Variants in JPH3 observed in about 807,000 individuals in gnomAD.
JPH3 encodes the protein junctophilin-3.
Under a neutral mutation model 59.6 loss-of-function variants are expected in JPH3, and 11 were observed. The ratio of observed to expected loss-of-function variants is 0.18; its 90% CI spans 0.12 to 0.31. The LOEUF is 0.31. JPH3 is among the 10% of genes least tolerant of loss of function. JPH3 has a pLI of 1.00. For missense variants in JPH3, 1,202 were observed against 1,105.7 expected (o/e 1.09, Z -1.24); for synonymous variants, 673 against 483.6 (o/e 1.39, Z -5.14).
intron 4 of JPH3, 74 bp downstream of exon 4, chr16:87,690,600 G>A: frequency 7.2e-7 from 1 of 1,380,612 alleles, no homozygotes; most frequent in Non-Finnish European, 9.4e-7. Flanking sequence ...GTTTCCTGAG[G>A]GTTTCCAGCA....
At chr16:87,605,853 C>T (rs189190909) in intron 1 of JPH3, among the ~76,000 whole-genome samples, 47 of 152,246 alleles carry the variant, frequency 3.1e-4, no homozygotes, top group Non-Finnish European at 2.8e-4. Flanking sequence ...AACATCCTCT[C>T]AAGGGGTATG....
At chr16:87,683,987 G>T in intron 2 of JPH3, 155 bp from the exon 3 acceptor site, 1 of 617,404 alleles carries the variant, frequency 1.6e-6, no homozygotes. Context: ...ATGAATGAAT[G>T]AACGAACAAG....
intron 1 of JPH3, among the ~76,000 whole-genome samples, chr16:87,639,360 C>G (rs1172418523): frequency 1.3e-5 from 2 of 152,162 alleles, no homozygotes; most frequent in Non-Finnish European, 2.9e-5. Context: ...CCTTCCGCAC[C>G]TCATGGCTCC....
Position 87,644,620 on chromosome 16 carries a change from G to A in JPH3, c.745G>A (p.Gly249Ser), listed in dbSNP as rs763168979. 3.1e-6 allele frequency: 5 copies of A among 1,612,548 alleles called. No individual in the cohort carries two copies. The highest frequency in any genetic ancestry group is 3.4e-6 in the Non-Finnish European group (4 of 1,179,900). ...SKQSSFRSEA[G>S]MSTVSSTASD... is the part of the protein sequence containing the mutation. ...GCAGAGCTCCTTTCGCAGCGAGGCG[G>A]GCATGAGCACCGTCAGCTCCACGGC... The change falls in exon 2 of 5, where the codon GGC becomes AGC. Residue 249 changes from glycine (G) to serine (S), a missense_variant. Coordinates refer to ENST00000284262, the MANE Select transcript of JPH3 (RefSeq NM_020655.4).
chr16:87,608,666 C>G (rs1463323695), intron 1 of JPH3, among the ~76,000 whole-genome samples: 11 of 152,216 alleles, frequency 7.2e-5, no homozygotes, highest in Non-Finnish European at 5.9e-5. Flanking sequence ...TCTAGGCATC[C>G]TCTTCAAGCC....
chr16:87,604,693 C>G, intron 1 of JPH3: 1 of 1,137,720 alleles, frequency 8.8e-7, no homozygotes, highest in Non-Finnish European at 1.1e-6. Flanking sequence ...CTCGGAACAC[C>G]TGCTCCACGG....
At chr16:87,676,688 C>T (rs1407491515) in intron 2 of JPH3, among the ~76,000 whole-genome samples, 1 of 151,704 alleles carries the variant, frequency 6.6e-6, no homozygotes, top group Non-Finnish European at 1.5e-5. Flanking sequence ...GAGCTGAGAT[C>T]ACACCACTGT....
At chr16:87,647,203 A>G (rs2032181265) in intron 2 of JPH3, among the ~76,000 whole-genome samples, 1 of 151,986 alleles carries the variant, frequency 6.6e-6, no homozygotes, top group Non-Finnish European at 1.5e-5. Flanking sequence ...TGCTGGGGTG[A>G]AAGCCCAGGG....
chr16:87,628,932 C>A (rs1277000403), intron 1 of JPH3, among the ~76,000 whole-genome samples: 1 of 152,304 alleles, frequency 6.6e-6, no homozygotes, highest in East Asian at 1.9e-4. Context: ...AGCCCCACTT[C>A]TTAGCCTTGC....
chr16:87,616,550 A>G (rs2030978620), intron 1 of JPH3, among the ~76,000 whole-genome samples: 1 of 151,480 alleles, frequency 6.6e-6, no homozygotes, highest in African/African-American at 2.4e-5. Flanking sequence ...GTGCCCAGCC[A>G]GGTTTTGTAT....
intron 1 of JPH3, among the ~76,000 whole-genome samples, chr16:87,615,550 AT>A (rs2150825401): frequency 6.6e-6 from 1 of 152,104 alleles, no homozygotes; most frequent in Admixed American, 6.5e-5. Context: ...TGGCTCCCCC[AT>A]TTTCCAGATG....
At chr16:87,645,359 G>A (rs537967050) in intron 2 of JPH3, among the ~76,000 whole-genome samples, 9 of 152,350 alleles carry the variant, frequency 5.9e-5, no homozygotes, top group East Asian at 1.9e-4. Context: ...GGTCTGTTCC[G>A]TTAGTACAAT....
chr16:87,620,159 A>G (rs2031119127), intron 1 of JPH3, among the ~76,000 whole-genome samples: 1 of 152,086 alleles, frequency 6.6e-6, no homozygotes, highest in Non-Finnish European at 1.5e-5. Context: ...GGGGTCCCTC[A>G]GGCCAGCAAT....
Position 87,611,001 on chromosome 16 carries a change from A to G in JPH3, c.382+7473A>G, listed in dbSNP as rs1701399568. Among the ~76,000 whole-genome samples, 1 of 152,262 alleles carries G rather than the reference A, an allele frequency of 6.6e-6. No individual in the cohort carries two copies. The highest frequency in any genetic ancestry group is 1.5e-5 in the Non-Finnish European group (1 of 68,050). ...ATTTGCCAAGTTCAGACCGTGTTCA[A>G]GGCACAAAGACAGAAAAGCTCAGGT... On this transcript the variant is annotated intron_variant, in intron 1 of 4. Transcript: ENST00000284262. The surrounding 1 kb of genome is among the most constrained non-coding windows in gnomAD (Gnocchi z 4.5).
chr16:87,665,343 G>A (rs2032827811), intron 2 of JPH3, among the ~76,000 whole-genome samples: 1 of 151,988 alleles, frequency 6.6e-6, no homozygotes, highest in African/African-American at 2.4e-5. Flanking sequence ...AGGGTCTTGG[G>A]GTAGGGTCTG....
At chr16:87,661,280 C>G (rs1429250028) in intron 2 of JPH3, among the ~76,000 whole-genome samples, 1 of 152,234 alleles carries the variant, frequency 6.6e-6, no homozygotes, top group African/African-American at 2.4e-5. Flanking sequence ...AGGGTCATCT[C>G]TCTCTTTCCT....
chr16:87,677,245 G>T (rs1310747529), intron 2 of JPH3, among the ~76,000 whole-genome samples: 1 of 118,262 alleles, frequency 8.5e-6, no homozygotes, highest in South Asian at 2.5e-4. Context: ...AATTAGCCGG[G>T]TGTGGTGGGC....
At chr16:87,682,838 C>A (rs1198791190) in intron 2 of JPH3, among the ~76,000 whole-genome samples, 1 of 152,194 alleles carries the variant, frequency 6.6e-6, no homozygotes, top group African/African-American at 2.4e-5. Context: ...ACTGGCAGGC[C>A]CCCCCGGGGG....
chr16:87,646,727 C>T (rs1378962760), intron 2 of JPH3, among the ~76,000 whole-genome samples: 5 of 152,154 alleles, frequency 3.3e-5, no homozygotes, highest in African/African-American at 4.8e-5. Flanking sequence ...TGGGGGACAG[C>T]GGCGTCACGG....
Sources: allele counts gnomAD v4.1 joint callset (sites outside exome capture counted in the v4.1 genomes callset), GRCh38; gene constraint gnomAD v4.1.1; non-coding constraint Gnocchi (gnomAD v3.1); transcripts MANE v1.5; gene names NCBI Gene and HGNC (gene_info 2026-07-23, HGNC 2026-07-21).